The following ALOXE3 variants were observed in gnomAD, a reference collection of about 807,000 sequenced individuals.
ALOXE3 encodes hydroperoxide isomerase ALOXE3.
In ALOXE3, 78 loss-of-function variants were observed where a neutral mutation model predicts 87.5. The observed-to-expected ratio is 0.89, with a 90% CI of 0.74 to 1.08. ALOXE3 has a LOEUF of 1.08. ALOXE3 is among the 50% of genes least tolerant of loss of function. The pLI, the probability that ALOXE3 is intolerant of heterozygous loss-of-function variation, is 0.00. For synonymous variants in ALOXE3, 363 were observed against 370.8 expected (o/e 0.98, Z 0.24); for missense variants, 946 against 912.4 (o/e 1.04, Z -0.47).
intron 15 of ALOXE3, among the ~76,000 whole-genome samples, chr17:8,102,857 C>T (rs1341335043): frequency 1.3e-5 from 2 of 152,176 alleles, no homozygotes; most frequent in African/African-American, 4.8e-5. Flanking sequence ...TCTGGGTCAC[C>T]ACTGGTACTC....
rs112855294 is a variant in ALOXE3, at chr17:8,109,832, G to C, written c.1392+84C>G. On this transcript the variant is annotated intron_variant, in intron 11 of 15. Coordinates refer to ENST00000448843, the MANE Select transcript of ALOXE3 (RefSeq NM_021628.3). The stretch of plus-strand genomic sequence containing the variant: ...CCCCAGGTGTCCTCACAAGGGGCTT[G>C]GGCGCAGAACAGGGCTTGGGGGCGG... The C allele has an allele frequency of 1.1e-5, 15 of 1,390,748 alleles. 1 individual carries two copies. In the African/African-American group the frequency reaches 1.6e-4, roughly 15 times the overall value. 86.2% of individuals were successfully genotyped at this position (1,390,748 alleles called of 1,614,324 possible).
At chr17:8,118,700 T>C, upstream of ALOXE3, 2 of 1,537,312 alleles carry the variant, frequency 1.3e-6, no homozygotes, top group South Asian at 2.4e-5. Context: ...CCCGACCTCA[T>C]TCTCTGCTCT....
rs553748007 is a variant in ALOXE3 at position 8,108,066 on chromosome 17, A to G, written c.1684+402T>C. On this transcript the variant is annotated intron_variant, in intron 13 of 15. Transcript: ENST00000448843. ...AAGAAAGAAAGAAAGAAAGAAAGAA[A>G]GGAAGAGAGGTTGGTGGCTGGAGGG... 2.7e-5 allele frequency among the ~76,000 whole-genome samples: 4 copies of G among 150,508 alleles called. 1 individual carries two copies. In the East Asian group the frequency reaches 7.8e-4, roughly 29 times the overall value.
In ALOXE3 at chr17:8,098,234, G is replaced by GTTTTTTTTTTTTT. The variant is rs71159546; in HGVS notation, c.1957-1441_1957-1429dup. Among the ~76,000 whole-genome samples the GTTTTTTTTTTTTT allele has an allele frequency of 5.7e-5, 5 of 87,508 alleles. 1 individual carries two copies. The highest frequency in any genetic ancestry group is 1.6e-4 in the Admixed American group (1 of 6,202). The allele number at this position is 87,508 out of a possible 152,430, so 57.4% of individuals were successfully genotyped here. On this transcript the variant is annotated intron_variant, in intron 15 of 15. Transcript: ENST00000448843. Reference sequence around the variant, plus strand: ...TTTTTGAAATATACTTTTGGTTTTTGTTTTTTTTTTTTTTTTTTTTTTGAG... The same window carrying GTTTTTTTTTTTTT: ...TTTTTGAAATATACTTTTGGTTTTTGTTTTTTTTTTTTTTTTTTTTTTTTTTTTTTTTTTTGAG...
Position 8,096,672 on chromosome 17 carries a change from G to A in ALOXE3, c.2091C>T (p.Tyr697=), listed in dbSNP as rs2151827951. The change falls in exon 16 of 16, where the codon TAC becomes TAT. Residue 697 remains tyrosine, a synonymous_variant. Coordinates refer to ENST00000448843, the MANE Select transcript of ALOXE3 (RefSeq NM_021628.3). ...QERNQGLALP[Y]TYLDPPLIEN... ...CAATGAGGGGAGGGTCCAGGTAGGT[G>A]TAGGGCAGTGCCAGACCCTGGTTCC... The A allele has an allele frequency of 6.5e-7, 1 of 1,542,320 alleles. No individual in the cohort carries two copies. Among genetic ancestry groups the A allele is most frequent in the South Asian group, 1.1e-5 (1 of 89,606 alleles).
intron 15 of ALOXE3, among the ~76,000 whole-genome samples, chr17:8,101,307 C>T (rs1458416712): frequency 2.6e-5 from 4 of 152,128 alleles, no homozygotes; most frequent in Admixed American, 6.5e-5. Flanking sequence ...GGATTACAGG[C>T]GTGAGCCACC....
intron 5 of ALOXE3, 147 bp downstream of exon 5, chr17:8,114,791 C>A: frequency 4.8e-6 from 7 of 1,470,122 alleles, no homozygotes; most frequent in Non-Finnish European, 6.6e-6. Flanking sequence ...GTGCCAGACC[C>A]TTTGGGGCCA....
rs1980638483 is a variant in ALOXE3 at position 8,116,868 on chromosome 17, A to G, written c.260T>C (p.Ile87Thr). 3 of 1,614,234 alleles carry G rather than the reference A, an allele frequency of 1.9e-6. No individual in the cohort carries two copies. The highest frequency in any genetic ancestry group is 2.5e-6 in the Non-Finnish European group (3 of 1,180,044). Residue 87 changes from isoleucine to threonine, a missense_variant, in exon 3 of 16, where the codon ATC becomes ACC. Physicochemically the swap from Ile to Thr is moderately conservative, Grantham distance 89 (BLOSUM62 -1). Coordinates refer to ENST00000448843, the MANE Select transcript of ALOXE3 (RefSeq NM_021628.3). ...FRKDSWYCSR[I>T]CVTEPDGSVS... ...ACTACCATCCGGTTCGGTGACACAG[A>G]TGCGGCTACAGTACCAAGAGTCCTT...
chr17:8,116,879 G>T lies in ALOXE3; in HGVS notation c.249C>A (p.Tyr83Ter). The T allele has an allele frequency of 6.2e-7, 1 of 1,614,236 alleles. No homozygotes were observed. The highest frequency in any genetic ancestry group is 8.5e-7 in the Non-Finnish European group (1 of 1,180,036). The change falls in exon 3 of 16, where the codon TAC becomes TAA. Residue 83 changes from tyrosine (Y) to a stop codon, truncating the protein, a stop_gained. Coordinates refer to ENST00000448843, the MANE Select transcript of ALOXE3 (RefSeq NM_021628.3). LOFTEE classifies it high-confidence loss of function. ...GTTCGGTGACACAGATGCGGCTACAGTACCAAGAGTCCTTGCGGAAGAAAG... is the reference window on the plus strand; with the variant it reads ...GTTCGGTGACACAGATGCGGCTACATTACCAAGAGTCCTTGCGGAAGAAAG... ...RYAFFRKDSWYCSRICVTEPD... is the reference protein window; with the variant it reads ...RYAFFRKDSW
At chr17:8,117,185 A>G (rs1415550494) in intron 2 of ALOXE3, among the ~76,000 whole-genome samples, 1 of 152,256 alleles carries the variant, frequency 6.6e-6, no homozygotes, top group Non-Finnish European at 1.5e-5. Flanking sequence ...ACACTTTGGG[A>G]GGCCGAGGCG....
chr17:8,109,341 G>T lies in ALOXE3; in HGVS notation c.1395C>A (p.Val465=). ...TGAGGCCTTGCCTCCCGATGGACGT[G>T]ACCTGAGGACACAGCACAGCTCGGC... The part of the protein sequence containing the change: ...LLNPEGLVDQ[V]TSIGRQGLIY... The change falls in exon 12 of 16, where the codon GTC becomes GTA. Residue 465 remains valine (V), a splice_region_variant and synonymous_variant. Transcript: ENST00000448843. The T allele has an allele frequency of 6.2e-7, 1 of 1,613,592 alleles. No individual in the cohort carries two copies. The highest frequency in any genetic ancestry group is 1.1e-5 in the South Asian group (1 of 91,020).
Position 8,110,282 on chromosome 17 carries a change from G to A in ALOXE3, c.1115C>T (p.Pro372Leu). ...VPLAIQLSQT[P>L]GPDSPIFLPT... The stretch of plus-strand genomic sequence containing the variant: ...CAGGAAGATGGGGCTGTCAGGCCCG[G>A]GGGTCTGGCTGAGCTGCGTCCGAAA... Residue 372 changes from proline to leucine, a missense_variant, in exon 10 of 16, where the codon CCC (proline) becomes CTC (leucine). By Grantham distance (98) the Pro-to-Leu change is moderately conservative (BLOSUM62 -3). Transcript: ENST00000448843. The A allele has an allele frequency of 6.2e-7, 1 of 1,614,014 alleles. No homozygotes were observed. Among genetic ancestry groups the A allele is most frequent in the East Asian group, 2.2e-5 (1 of 44,872 alleles).
upstream of ALOXE3, chr17:8,118,756 G>A (rs921089820): frequency 1.9e-5 from 29 of 1,537,192 alleles, no homozygotes; most frequent in East Asian, 2.4e-5. Flanking sequence ...CGGCAAACAG[G>A]GTCTGAATGC....
chr17:8,103,987 C>A, intron 14 of ALOXE3, 128 bp downstream of exon 14: 1 of 785,404 alleles, frequency 1.3e-6, no homozygotes, highest in Non-Finnish European at 2.1e-6. Flanking sequence ...CACTCAGCTG[C>A]CACTCCAACC....
intron 15 of ALOXE3, among the ~76,000 whole-genome samples, chr17:8,100,559 T>G (rs1337555963): frequency 1.3e-5 from 2 of 152,260 alleles, no homozygotes; most frequent in African/African-American, 4.8e-5. Flanking sequence ...TGGTTTTTTT[T>G]GAAATAACAA....
In ALOXE3 at chr17:8,111,444, G is replaced by C; in HGVS notation, c.872C>G (p.Ser291Cys). ...GACAGGCAGCTTGCTGGGCAAGCTA[G>C]AGATGCAGTGGAGCATGACGGGATT... ...GVNPVMLHCI[S>C]SLPSKLPVTN... The change falls in exon 8 of 16, where the codon TCT (serine) becomes TGT (cysteine). Residue 291 changes from serine to cysteine, a missense_variant. Ser to Cys is a moderately radical substitution (Grantham distance 112). Transcript: ENST00000448843. 6.2e-7 allele frequency: 1 copy of C among 1,614,168 alleles called. No homozygotes were observed. Among genetic ancestry groups the C allele is most frequent in the Non-Finnish European group, 8.5e-7 (1 of 1,180,034 alleles).
At chr17:8,103,205 C>A (rs1979031060) in intron 15 of ALOXE3, 118 bp downstream of exon 15, 2 of 1,194,574 alleles carry the variant, frequency 1.7e-6, no homozygotes, top group African/African-American at 3.0e-5. Flanking sequence ...GAACCCAAGG[C>A]AGTTCTGCAG....
intron 8 of ALOXE3, among the ~76,000 whole-genome samples, chr17:8,111,023 C>T (rs1980029314): frequency 6.6e-6 from 1 of 152,204 alleles, no homozygotes; most frequent in African/African-American, 2.4e-5. Context: ...CTACCATTGG[C>T]CTGTCCTAAA....
In ALOXE3 at chr17:8,117,875, T is replaced by C. The variant is rs1265723343; in HGVS notation, c.116A>G (p.Asp39Gly). The change falls in exon 2 of 16, where the codon GAT becomes GGT. Residue 39 changes from aspartate (D) to glycine (G), a missense_variant. Asp to Gly is a moderately conservative substitution (Grantham distance 94). Transcript: ENST00000448843. Reference sequence around the variant, plus strand: ...AGGGGCGAAGTCCCTGCCCATTCGATCTAGCCGCTGCTTGGGGCTTTCACC... The same window carrying C: ...AGGGGCGAAGTCCCTGCCCATTCGACCTAGCCGCTGCTTGGGGCTTTCACC... ...TCGESPKQRL[D>G]RMGRDFAPGS... 22 of 1,611,746 alleles carry C rather than the reference T, an allele frequency of 1.4e-5. No individual in the cohort carries two copies. The East Asian group carries it at 3.3e-4, about 24-fold the overall frequency.
Sources: allele counts gnomAD v4.1 joint callset (sites outside exome capture counted in the v4.1 genomes callset), GRCh38; gene constraint gnomAD v4.1.1; transcripts MANE v1.5; gene names NCBI Gene and HGNC (gene_info 2026-07-23, HGNC 2026-07-21).